AKAP6: variants seen among roughly 807,000 people sequenced by gnomAD.
AKAP6 encodes A-kinase anchoring protein 6.
AKAP6 carries 58 observed loss-of-function variants against 188.5 expected under a neutral mutation model. That is an observed-to-expected ratio of 0.31 (90% CI 0.25 to 0.38). The LOEUF (loss-of-function observed/expected upper bound fraction) is 0.38. Ranked by LOEUF, AKAP6 falls within the 10% of genes least tolerant of loss-of-function variation. The pLI is 1.00. For synonymous variants in AKAP6, 989 were observed against 998.6 expected (o/e 0.99, Z 0.18); for missense variants, 2,710 against 2,740.0 (o/e 0.99, Z 0.24).
At chr14:32,647,303 C>A (rs1365926850) in intron 7 of AKAP6, among the ~76,000 whole-genome samples, 2 of 152,076 alleles carry the variant, frequency 1.3e-5, no homozygotes, top group African/African-American at 4.8e-5. Context: ...ATTCATTGGT[C>A]TTCAGATCTG....
chr14:32,594,873 G>T (rs1885628906), intron 5 of AKAP6, among the ~76,000 whole-genome samples: 2 of 152,220 alleles, frequency 1.3e-5, no homozygotes, highest in South Asian at 4.1e-4. Context: ...ATGACAGTGG[G>T]AGTAAAAGTT....
intron 7 of AKAP6, among the ~76,000 whole-genome samples, chr14:32,620,456 A>G (rs115993007): frequency 0.024 from 3,605 of 151,986 alleles, 148 homozygotes; most frequent in African/African-American, 0.082. Context: ...TGTTTATATG[A>G]TGAATCACAT....
chr14:32,641,445 C>T (rs1247080647), intron 7 of AKAP6, among the ~76,000 whole-genome samples: 2 of 144,362 alleles, frequency 1.4e-5, no homozygotes, highest in East Asian at 4.0e-4. Flanking sequence ...CAAGACCAGC[C>T]TGGGCAAAAT....
intron 2 of AKAP6, among the ~76,000 whole-genome samples, chr14:32,497,251 A>G (rs945371665): frequency 2.0e-5 from 3 of 152,076 alleles, no homozygotes; most frequent in African/African-American, 7.2e-5. Flanking sequence ...CCTCATGTTT[A>G]TATAGGTGTT....
chr14:32,806,002 T>C (rs1309223544), intron 12 of AKAP6, among the ~76,000 whole-genome samples: 1 of 152,234 alleles, frequency 6.6e-6, no homozygotes, highest in East Asian at 1.9e-4. Flanking sequence ...GTACTATTAA[T>C]GTATCACTGC....
In AKAP6 at chr14:32,820,912, C is replaced by A. The variant is rs148555807; in HGVS notation, c.3589-490C>A. On this transcript the variant is annotated intron_variant, in intron 12 of 13. Coordinates refer to ENST00000280979, the MANE Select transcript of AKAP6 (RefSeq NM_004274.5). ...TACAACTCTATTTTAAGTCCCCAGG[C>A]AAAAGCTGCTTAAAATGGAGAACCC... 3.3e-3 allele frequency among the ~76,000 whole-genome samples: 505 copies of A among 152,190 alleles called. 1 individual carries two copies. Among genetic ancestry groups the A allele is most frequent in the African/African-American group, 0.011 (471 of 41,524 alleles).
chr14:32,580,774 A>G (rs1594758796), intron 5 of AKAP6, among the ~76,000 whole-genome samples: 5 of 151,940 alleles, frequency 3.3e-5, no homozygotes, highest in Admixed American at 2.6e-4. Flanking sequence ...TCATTGTTCA[A>G]TTCCCACCTA....
intron 2 of AKAP6, among the ~76,000 whole-genome samples, chr14:32,469,712 A>G (rs1878664762): frequency 3.1e-5 from 2 of 64,544 alleles, no homozygotes; most frequent in South Asian, 6.8e-4. Flanking sequence ...TAATGTCACA[A>G]ATTTTTTTTT....
intron 2 of AKAP6, among the ~76,000 whole-genome samples, chr14:32,434,268 A>G (rs979941851): frequency 6.6e-5 from 10 of 152,180 alleles, no homozygotes; most frequent in Admixed American, 3.9e-4. Flanking sequence ...GGGAAGGGCA[A>G]TGTTCTTTTA....
intron 5 of AKAP6, among the ~76,000 whole-genome samples, chr14:32,590,339 A>G (rs1448247843): frequency 1.3e-5 from 2 of 151,972 alleles, no homozygotes. Flanking sequence ...ATAGGTATTA[A>G]AAATATCTGC....
chr14:32,624,607 CAATT>C (rs2139430783), intron 7 of AKAP6, among the ~76,000 whole-genome samples: 1 of 152,106 alleles, frequency 6.6e-6, no homozygotes, highest in Admixed American at 6.6e-5. Context: ...GAGTATGAGA[CAATT>C]AAGGCCAGAA....
chr14:32,368,516 C>G (rs1469272123), intron 1 of AKAP6, among the ~76,000 whole-genome samples: 1 of 150,488 alleles, frequency 6.6e-6, no homozygotes, highest in Non-Finnish European at 1.5e-5. Context: ...GGAAGGCCTC[C>G]AAAAGGAAGT....
intron 8 of AKAP6, among the ~76,000 whole-genome samples, chr14:32,694,259 G>T (rs1321147477): frequency 6.6e-6 from 1 of 152,006 alleles, no homozygotes; most frequent in African/African-American, 2.4e-5. Context: ...TACTCGGGAG[G>T]CTGAGGCAGG....
rs1259896695 is a variant in AKAP6 at position 32,472,627 on chromosome 14, G to C, written c.324+38810G>C. ...AACATGGCAGTGATGTTGGCAGGGA[G>C]ATGGCAACGAGGTTCTCTGCACCAA... On this transcript the variant is annotated intron_variant, in intron 2 of 13. Transcript: ENST00000280979. Among the ~76,000 whole-genome samples the C allele has an allele frequency of 3.3e-5, 5 of 152,322 alleles. No homozygotes were observed. In the South Asian group the frequency reaches 8.3e-4, roughly 25 times the overall value.
chr14:32,351,260 A>G (rs922126275), intron 1 of AKAP6, among the ~76,000 whole-genome samples: 4 of 152,198 alleles, frequency 2.6e-5, no homozygotes, highest in Non-Finnish European at 5.9e-5. Context: ...TTTGTGTTAT[A>G]TTAGTCAAAA....
intron 9 of AKAP6, among the ~76,000 whole-genome samples, chr14:32,703,346 T>TA (rs1890691406): frequency 6.6e-6 from 1 of 152,106 alleles, no homozygotes; most frequent in South Asian, 2.1e-4. Flanking sequence ...ACTTAGATGA[T>TA]ATGAATAGGA....
At chr14:32,772,127 T>A (rs1464416553) in intron 11 of AKAP6, among the ~76,000 whole-genome samples, 2 of 151,920 alleles carry the variant, frequency 1.3e-5, no homozygotes, top group East Asian at 3.9e-4. Flanking sequence ...CACGTGGGGT[T>A]GAGGGGAGAC....
chr14:32,541,072 A>G (rs921312867), intron 3 of AKAP6, among the ~76,000 whole-genome samples: 7 of 152,068 alleles, frequency 4.6e-5, no homozygotes, highest in Non-Finnish European at 1.0e-4. Context: ...AATAAAATAA[A>G]TAAAAATAAA....
chr14:32,611,950 G>A (rs1420865241), intron 7 of AKAP6, among the ~76,000 whole-genome samples: 5 of 152,110 alleles, frequency 3.3e-5, no homozygotes, highest in Non-Finnish European at 5.9e-5. Flanking sequence ...GACAGAAAGA[G>A]GGAAGGAAGC....
Sources: gnomAD v4.1 joint callset for allele counts (sites outside exome capture counted in the v4.1 genomes callset) on GRCh38, gnomAD v4.1.1 for gene constraint, MANE v1.5 for transcripts, NCBI Gene and HGNC (gene_info 2026-07-23, HGNC 2026-07-21) for gene names.